Variants in IPCEF1 observed in about 807,000 individuals in gnomAD.
IPCEF1 encodes the protein interaction protein for cytohesin exchange factors 1, also known as interactor protein for cytohesin exchange factors 1.
Under a neutral mutation model 50.9 loss-of-function variants are expected in IPCEF1, and 31 were observed. The ratio of observed to expected loss-of-function variants is 0.61; its 90% confidence interval spans 0.46 to 0.82. IPCEF1 has a LOEUF of 0.82. IPCEF1 is among the 40% of genes least tolerant of loss of function. The pLI, the probability that IPCEF1 is intolerant of heterozygous loss-of-function variation, is 0.00. For missense variants in IPCEF1, 458 were observed against 514.0 expected, an observed-to-expected ratio of 0.89 and a Z score of 1.05; for synonymous variants, 181 against 192.0, an observed-to-expected ratio of 0.94 and a Z score of 0.47.
At chr6:154,338,559 T>A (rs549667151) in intron 1 of IPCEF1, among the ~76,000 whole-genome samples, 1 of 152,322 alleles carries the variant, frequency 6.6e-6, no homozygotes, top group East Asian at 1.9e-4. Context: ...TGCTTCTAAC[T>A]AAGGGTGAAT....
intron 10 of IPCEF1, among the ~76,000 whole-genome samples, chr6:154,186,730 G>C (rs1014170342): frequency 5.9e-5 from 9 of 151,938 alleles, no homozygotes; most frequent in African/African-American, 2.2e-4. Flanking sequence ...CTAATTTTTT[G>C]TATTTTTAGT....
intron 9 of IPCEF1, among the ~76,000 whole-genome samples, chr6:154,202,521 A>G (rs908325539): frequency 6.6e-6 from 1 of 152,184 alleles, no homozygotes; most frequent in Non-Finnish European, 1.5e-5. Context: ...GTAAAATTCA[A>G]CTTCTATGTG....
intron 1 of IPCEF1, among the ~76,000 whole-genome samples, chr6:154,325,519 C>T (rs111846522): frequency 1.8e-3 from 275 of 152,260 alleles, no homozygotes; most frequent in African/African-American, 5.8e-3. Flanking sequence ...TAAAAAATAA[C>T]TGGGTAATAA....
At chr6:154,214,453 C>T (rs1270011416) in intron 7 of IPCEF1, 177 bp from the exon 8 acceptor site, 7 of 627,886 alleles carry the variant, frequency 1.1e-5, no homozygotes, top group Non-Finnish European at 2.0e-5. Context: ...CAATACTTTC[C>T]ATACTCAAGG....
At position 154,157,561 on chromosome 6, in the gene IPCEF1, T is replaced by G. The variant is rs1798765430; in HGVS notation, c.*2267A>C. On this transcript the variant is annotated 3_prime_UTR_variant, in exon 12 of 12. Coordinates refer to ENST00000367220, the MANE Select transcript of IPCEF1 (RefSeq NM_001130700.2). ...TCAATGGTACTAAAGGAGTTTACAG[T>G]TGAAAGGCTGGGGAAATATGTCTTC... 1 of 152,192 alleles carries G rather than the reference T, an allele frequency of 6.6e-6. No individual in the cohort carries two copies. Among genetic ancestry groups the G allele is most frequent in the Non-Finnish European group, 1.5e-5 (1 of 68,036 alleles). The allele number at this position is 152,192 out of a possible 1,614,324, so 9.4% of individuals were successfully genotyped here. A position where few individuals can be genotyped will look rare whatever the true frequency, so the allele number is the denominator to read the frequency against.
At chr6:154,330,875 G>C (rs1286819544) in intron 1 of IPCEF1, among the ~76,000 whole-genome samples, 2 of 152,118 alleles carry the variant, frequency 1.3e-5, no homozygotes, top group Non-Finnish European at 2.9e-5. Context: ...CCTTAACAAA[G>C]GAATTCTTTC....
At position 154,199,997 on chromosome 6, in the gene IPCEF1, G is replaced by C; in HGVS notation, c.581C>G (p.Thr194Arg). ...ASSSSPSLSG[T>R]SYSFSSLENT... Reference sequence around the variant, plus strand: ...TTCCAGGGAAGAGAAAGAATACGACGTTCCACTCAGGCTGGGTGAGGATGA... The same window carrying C: ...TTCCAGGGAAGAGAAAGAATACGACCTTCCACTCAGGCTGGGTGAGGATGA... Residue 194 changes from threonine (T) to arginine (R), a missense_variant, in exon 10 of 12, where the codon ACG (threonine) becomes AGG (arginine). Physicochemically the swap from Thr to Arg is moderately conservative, Grantham distance 71. Transcript: ENST00000367220. 6.2e-7 allele frequency: 1 copy of C among 1,614,056 alleles called. No homozygotes were observed. Among genetic ancestry groups the C allele is most frequent in the Non-Finnish European group, 8.5e-7 (1 of 1,179,928 alleles).
At chr6:154,190,331 C>T (rs1203790983) in intron 10 of IPCEF1, among the ~76,000 whole-genome samples, 2 of 151,746 alleles carry the variant, frequency 1.3e-5, no homozygotes, top group Non-Finnish European at 1.5e-5. Context: ...AAAGTATATA[C>T]AAAAATTAAT....
chr6:154,187,256 G>A (rs747705342), intron 10 of IPCEF1, among the ~76,000 whole-genome samples: 2 of 151,962 alleles, frequency 1.3e-5, no homozygotes, highest in African/African-American at 2.4e-5. Flanking sequence ...CCCCACCTCT[G>A]TCCAGTCTCT....
chr6:154,206,306 C>T (rs923561573), intron 9 of IPCEF1, among the ~76,000 whole-genome samples: 2 of 152,194 alleles, frequency 1.3e-5, no homozygotes, highest in Non-Finnish European at 2.9e-5. Context: ...AATCATTCTT[C>T]TCAAAGCCAT....
intron 7 of IPCEF1, chr6:154,218,925 A>G (rs1235827224): frequency 3.3e-5 from 5 of 152,304 alleles, no homozygotes; most frequent in Non-Finnish European, 7.3e-5. Context: ...AGTAAAATGA[A>G]CAGATCTTCA....
chr6:154,180,410 ATATAT>A (rs1348829016), intron 10 of IPCEF1, among the ~76,000 whole-genome samples: 19 of 40,416 alleles, frequency 4.7e-4, no homozygotes, highest in African/African-American at 2.1e-3. Flanking sequence ...ATATATATAT[ATATAT>A]TTTTTTTTTA....
intron 10 of IPCEF1, among the ~76,000 whole-genome samples, chr6:154,196,097 T>C (rs887002345): frequency 2.0e-5 from 3 of 152,110 alleles, no homozygotes; most frequent in African/African-American, 4.8e-5. Flanking sequence ...GTCCCCCTGG[T>C]TCACATTTTA....
chr6:154,228,360 C>T (rs9479793), intron 5 of IPCEF1, among the ~76,000 whole-genome samples: 11,799 of 152,074 alleles, frequency 0.078, 528 homozygotes, highest in African/African-American at 0.12. Context: ...AAGCTTCCCT[C>T]GAAATCCTGA....
At chr6:154,354,174 A>G (rs13218854) in intron 1 of IPCEF1, among the ~76,000 whole-genome samples, 48,104 of 152,080 alleles carry the variant, frequency 0.32, 8,362 homozygotes, top group South Asian at 0.44. Flanking sequence ...TGGTAGGTTC[A>G]GAGATATAGA....
intron 2 of IPCEF1, among the ~76,000 whole-genome samples, chr6:154,275,352 A>T (rs1782029785): frequency 6.6e-6 from 1 of 152,202 alleles, no homozygotes; most frequent in Admixed American, 6.5e-5. Context: ...GGTATCAATT[A>T]TGAGGCCCAC....
intron 1 of IPCEF1, among the ~76,000 whole-genome samples, chr6:154,342,310 A>T (rs537556434): frequency 7.2e-5 from 11 of 152,338 alleles, no homozygotes; most frequent in African/African-American, 2.6e-4. Flanking sequence ...ACCTCTGCAT[A>T]ACTGAGTCTT....
At chr6:154,177,490 A>G (rs1800438750) in intron 10 of IPCEF1, among the ~76,000 whole-genome samples, 2 of 152,238 alleles carry the variant, frequency 1.3e-5, no homozygotes, top group African/African-American at 4.8e-5. Flanking sequence ...ACATGAACAG[A>G]CACTTCTCAA....
intron 1 of IPCEF1, among the ~76,000 whole-genome samples, chr6:154,343,040 C>T (rs1783950392): frequency 6.6e-6 from 1 of 152,136 alleles, no homozygotes; most frequent in Non-Finnish European, 1.5e-5. Context: ...CACTTGAGCC[C>T]AGGAGCTGAA....
Sources: gnomAD v4.1 joint callset for allele counts (sites outside exome capture counted in the v4.1 genomes callset) on GRCh38, gnomAD v4.1.1 for gene constraint, MANE v1.5 for transcripts, NCBI Gene and HGNC (gene_info 2026-07-23, HGNC 2026-07-21) for gene names.